The following MAP2 variants were observed in gnomAD, a reference collection of about 807,000 sequenced individuals.
MAP2 encodes the protein microtubule associated protein 2.
A neutral mutation model predicts 137.6 loss-of-function variants in MAP2; 14 were observed. The observed-to-expected ratio is 0.10, with a 90% CI of 0.07 to 0.16. The LOEUF (loss-of-function observed/expected upper bound fraction) is 0.16, where lower values mean the gene tolerates loss of function less well. MAP2 is among the 10% of genes least tolerant of loss of function. The pLI is 1.00. For synonymous variants in MAP2, 786 were observed against 782.3 expected (o/e 1.00, Z -0.08); for missense variants, 2,088 against 2,191.5 (o/e 0.95, Z 0.94).
At chr2:209,729,753 T>C in intron 14 of MAP2, 97 bp from the exon 15 acceptor site, 1 of 707,232 alleles carries the variant, frequency 1.4e-6, no homozygotes, top group Non-Finnish European at 2.5e-6. Flanking sequence ...GTTAATAAAT[T>C]TGTGGTTTGC....
At chr2:209,500,123 T>C (rs2060203345) in intron 1 of MAP2, among the ~76,000 whole-genome samples, 1 of 152,200 alleles carries the variant, frequency 6.6e-6, no homozygotes, top group Non-Finnish European at 1.5e-5. Flanking sequence ...TGAACACTTC[T>C]TTAAGCACTC....
At chr2:209,622,611 T>C (rs922004073) in intron 3 of MAP2, among the ~76,000 whole-genome samples, 5 of 152,328 alleles carry the variant, frequency 3.3e-5, no homozygotes, top group African/African-American at 1.2e-4. Flanking sequence ...ATATAATGAA[T>C]CTAATGTTAA....
intron 5 of MAP2, among the ~76,000 whole-genome samples, chr2:209,670,964 A>G (rs932983258): frequency 2.3e-4 from 35 of 151,992 alleles, no homozygotes; most frequent in Non-Finnish European, 8.8e-5. Flanking sequence ...AGCAGGTGCA[A>G]AATAAATTCT....
intron 2 of MAP2, among the ~76,000 whole-genome samples, chr2:209,509,161 T>C (rs1371127524): frequency 6.6e-6 from 1 of 151,960 alleles, no homozygotes; most frequent in Admixed American, 6.6e-5. Context: ...ATGGTAAACA[T>C]GACAATTTGC....
intron 7 of MAP2, among the ~76,000 whole-genome samples, chr2:209,689,266 A>T: frequency 6.6e-6 from 1 of 152,112 alleles, no homozygotes; most frequent in East Asian, 1.9e-4. Flanking sequence ...AAAACTAAAA[A>T]TGAGTGCTAA....
At chr2:209,588,369 G>A (rs2078318727) in intron 3 of MAP2, among the ~76,000 whole-genome samples, 1 of 152,060 alleles carries the variant, frequency 6.6e-6, no homozygotes, top group South Asian at 2.1e-4. Flanking sequence ...TGCCTCAGAT[G>A]GTTTGCATTA....
At chr2:209,504,441 G>A (rs1370998564) in intron 1 of MAP2, among the ~76,000 whole-genome samples, 2 of 152,140 alleles carry the variant, frequency 1.3e-5, no homozygotes, top group Admixed American at 6.6e-5. Context: ...ATAAATTGAG[G>A]CCTAAAACTT....
intron 1 of MAP2, among the ~76,000 whole-genome samples, chr2:209,466,460 T>A (rs1704145700): frequency 6.6e-6 from 1 of 152,162 alleles, no homozygotes; most frequent in Non-Finnish European, 1.5e-5. Context: ...CTTTATCAGG[T>A]TGTTGGTTAA....
At chr2:209,441,820 A>C (rs1426676245) in intron 1 of MAP2, among the ~76,000 whole-genome samples, 5 of 151,576 alleles carry the variant, frequency 3.3e-5, no homozygotes, top group African/African-American at 1.2e-4. Context: ...AAATCACAAG[A>C]TAACTGTGCA....
chr2:209,691,752 C>G (rs2058973250), intron 7 of MAP2, among the ~76,000 whole-genome samples: 1 of 152,102 alleles, frequency 6.6e-6, no homozygotes, highest in Admixed American at 6.6e-5. Flanking sequence ...TAGTCATGCT[C>G]CAAGGATTGA....
At chr2:209,497,395 A>G (rs998953540) in intron 1 of MAP2, among the ~76,000 whole-genome samples, 2 of 152,172 alleles carry the variant, frequency 1.3e-5, no homozygotes, top group Non-Finnish European at 2.9e-5. Flanking sequence ...GAACCTGACC[A>G]TGTTGGCATG....
chr2:209,426,067 T>C (rs896864381), intron 1 of MAP2, among the ~76,000 whole-genome samples: 28 of 152,226 alleles, frequency 1.8e-4, no homozygotes, highest in African/African-American at 6.5e-4. Flanking sequence ...GATTTCCTGG[T>C]AATTTCATCT....
At chr2:209,490,848 A>G (rs1375402679) in intron 1 of MAP2, among the ~76,000 whole-genome samples, 2 of 152,050 alleles carry the variant, frequency 1.3e-5, no homozygotes, top group South Asian at 2.1e-4. Context: ...ACACAATAAT[A>G]GTGGGAGACT....
At chr2:209,470,924 A>G (rs1212969690) in intron 1 of MAP2, among the ~76,000 whole-genome samples, 1 of 152,180 alleles carries the variant, frequency 6.6e-6, no homozygotes, top group African/African-American at 2.4e-5. Context: ...TCTCCTGAAC[A>G]TGCCCTTCAA....
chr2:209,554,074 A>C (rs1409211526), intron 2 of MAP2, among the ~76,000 whole-genome samples: 18 of 152,250 alleles, frequency 1.2e-4, no homozygotes, highest in Admixed American at 1.1e-3. Context: ...CCTGTTTCAC[A>C]GTGTAAACTA....
At chr2:209,455,467 A>C (rs1220845017) in intron 1 of MAP2, among the ~76,000 whole-genome samples, 2 of 152,216 alleles carry the variant, frequency 1.3e-5, no homozygotes, top group Non-Finnish European at 2.9e-5. Flanking sequence ...GCCTCTACTC[A>C]TGATAACCAG....
chr2:209,680,538 T>A (rs939528166), intron 6 of MAP2, among the ~76,000 whole-genome samples: 2 of 152,190 alleles, frequency 1.3e-5, no homozygotes, highest in East Asian at 3.9e-4. Flanking sequence ...TCATTTTTTT[T>A]TGAAAATATC....
chr2:209,649,625 G>A (rs1411106979), intron 4 of MAP2, among the ~76,000 whole-genome samples: 1 of 152,058 alleles, frequency 6.6e-6, no homozygotes, highest in Non-Finnish European at 1.5e-5. Flanking sequence ...TATATTTTCT[G>A]TAAAAGTAGT....
At chr2:209,475,688 A>G (rs1336848498) in intron 1 of MAP2, among the ~76,000 whole-genome samples, 1 of 152,144 alleles carries the variant, frequency 6.6e-6, no homozygotes, top group East Asian at 1.9e-4. Flanking sequence ...CTGTTCTATT[A>G]ATGTGTCAAT....
Sources: gnomAD v4.1 joint callset for allele counts (sites outside exome capture counted in the v4.1 genomes callset) on GRCh38, gnomAD v4.1.1 for gene constraint, MANE v1.5 for transcripts, NCBI Gene and HGNC (gene_info 2026-07-23, HGNC 2026-07-21) for gene names.